AGPS: variants seen among roughly 807,000 people sequenced by gnomAD.
AGPS encodes the protein alkylglycerone phosphate synthase.
A neutral mutation model predicts 90.7 loss-of-function variants in AGPS; 26 were observed. The ratio of observed to expected loss-of-function variants is 0.29; its 90% CI spans 0.21 to 0.40. AGPS has a LOEUF of 0.40. Ranked by LOEUF, AGPS falls within the 10% of genes least tolerant of loss-of-function variation. The pLI, the probability that AGPS is intolerant of heterozygous loss-of-function variation, is 1.00. For missense variants in AGPS, 540 were observed against 816.1 expected (o/e 0.66, Z 4.12); for synonymous variants, 294 against 285.3 (o/e 1.03, Z -0.31).
chr2:177,460,827 G>A (rs1254717137), intron 8 of AGPS, among the ~76,000 whole-genome samples: 1 of 152,142 alleles, frequency 6.6e-6, no homozygotes, highest in Non-Finnish European at 1.5e-5. Flanking sequence ...TGAATATTTA[G>A]TGGAGAAACT....
chr2:177,527,601 G>A (rs2079100276), intron 19 of AGPS, among the ~76,000 whole-genome samples: 1 of 151,916 alleles, frequency 6.6e-6, no homozygotes, highest in Non-Finnish European at 1.5e-5. Context: ...TATACTTCCT[G>A]ATAGTAGGTT....
intron 1 of AGPS, among the ~76,000 whole-genome samples, chr2:177,397,445 C>T (rs1217276226): frequency 1.3e-5 from 2 of 149,962 alleles, no homozygotes; most frequent in Non-Finnish European, 3.0e-5. Flanking sequence ...GACACTTTTA[C>T]GTCTTGGTTT....
At chr2:177,449,194 T>C (rs1686863788) in intron 8 of AGPS, among the ~76,000 whole-genome samples, 1 of 152,204 alleles carries the variant, frequency 6.6e-6, no homozygotes, top group African/African-American at 2.4e-5. Context: ...TTTGTTTCCT[T>C]TCGGTAAGTA....
chr2:177,421,829 C>G (rs1685949244), intron 2 of AGPS, among the ~76,000 whole-genome samples: 1 of 152,148 alleles, frequency 6.6e-6, no homozygotes, highest in African/African-American at 2.4e-5. Context: ...CCGAATTTCT[C>G]TCTTCTCGGA....
chr2:177,427,101 C>G (rs1686105207), intron 2 of AGPS, among the ~76,000 whole-genome samples: 1 of 152,104 alleles, frequency 6.6e-6, no homozygotes, highest in African/African-American at 2.4e-5. Context: ...GTGTATATGT[C>G]CAGGAACTTA....
At chr2:177,478,507 CT>C (rs1187105216) in intron 10 of AGPS, among the ~76,000 whole-genome samples, 1 of 151,996 alleles carries the variant, frequency 6.6e-6, no homozygotes, top group African/African-American at 2.4e-5. Flanking sequence ...TAATGGTTTC[CT>C]GCATTTCTCT....
chr2:177,511,040 A>G (rs1024641644), intron 16 of AGPS, among the ~76,000 whole-genome samples: 1 of 152,136 alleles, frequency 6.6e-6, no homozygotes, highest in African/African-American at 2.4e-5. Context: ...GCTTGGGAAT[A>G]ATTTGAGAGT....
At chr2:177,408,290 A>T (rs1405116567) in intron 1 of AGPS, among the ~76,000 whole-genome samples, 1 of 152,084 alleles carries the variant, frequency 6.6e-6, no homozygotes, top group Non-Finnish European at 1.5e-5. Context: ...GCTTGCTTCT[A>T]TGTGTGATAT....
intron 8 of AGPS, among the ~76,000 whole-genome samples, chr2:177,453,141 T>C (rs755887574): frequency 6.6e-6 from 1 of 152,128 alleles, no homozygotes; most frequent in Non-Finnish European, 1.5e-5. Context: ...TAATTGTAGA[T>C]TGATATTCTT....
At position 177,392,872 on chromosome 2, in the gene AGPS, A is replaced by T. The variant is rs764286061; in HGVS notation, c.83A>T (p.Asp28Val). 3.0e-5 allele frequency: 47 copies of T among 1,549,620 alleles called. No individual in the cohort carries two copies. The highest frequency in any genetic ancestry group is 3.6e-4 in the Middle Eastern group (2 of 5,586). Residue 28 changes from aspartate (D) to valine (V), a missense_variant, in exon 1 of 20, where the codon GAC (aspartate) becomes GTC (valine). By Grantham distance (152) the Asp-to-Val change is radical (BLOSUM62 -3). Transcript: ENST00000264167. ...SYGSAADRDR[D>V]PDPDRAGRRL... ...GGGTCTGCAGCGGACCGGGACCGGG[A>T]CCCGGACCCGGACCGCGCCGGGCGG...
At chr2:177,527,136 A>T (rs2105737928) in intron 19 of AGPS, among the ~76,000 whole-genome samples, 1 of 152,204 alleles carries the variant, frequency 6.6e-6, no homozygotes, top group East Asian at 1.9e-4. Flanking sequence ...TTTTTTTTTA[A>T]ATGTATATGG....
In AGPS at chr2:177,521,449, G is replaced by A; in HGVS notation, c.1797+81G>A. On this transcript the variant is annotated intron_variant, in intron 18 of 19. Transcript: ENST00000264167. ...TTTACTGTCAATTTATGAATTTTAA[G>A]TTGAGTCTCTTTAATCACACATGGT... 4.2e-6 allele frequency: 5 copies of A among 1,181,380 alleles called. No homozygotes were observed. In the East Asian group the frequency reaches 1.2e-4, roughly 28 times the overall value. The allele number at this position is 1,181,380 out of a possible 1,614,324, so 73.2% of individuals were successfully genotyped here. A position where few individuals can be genotyped will look rare whatever the true frequency, so the allele number is the denominator to read the frequency against.
At chr2:177,462,406 GA>G (rs1268952775) in intron 9 of AGPS, among the ~76,000 whole-genome samples, 1 of 138,726 alleles carries the variant, frequency 7.2e-6, no homozygotes, top group East Asian at 2.1e-4. Context: ...AAAAAAAAAA[GA>G]AAAAAGAAAA....
chr2:177,446,192 C>T (rs533337967), intron 8 of AGPS, among the ~76,000 whole-genome samples: 3 of 151,686 alleles, frequency 2.0e-5, no homozygotes, highest in Admixed American at 6.6e-5. Flanking sequence ...CTCACTCTGT[C>T]GCCCAGGCTG....
intron 1 of AGPS, among the ~76,000 whole-genome samples, chr2:177,406,440 G>C (rs1366902460): frequency 3.3e-5 from 5 of 152,218 alleles, no homozygotes; most frequent in East Asian, 1.9e-4. Flanking sequence ...ATAGGAAAAG[G>C]CTTTATAGAA....
intron 16 of AGPS, 45 bp downstream of exon 16, chr2:177,508,076 G>T: frequency 7.2e-7 from 1 of 1,393,768 alleles, no homozygotes; most frequent in South Asian, 1.2e-5. Flanking sequence ...TATGCGATAT[G>T]AATTGCTTGA....
chr2:177,474,546 T>C (rs770557982), intron 10 of AGPS, among the ~76,000 whole-genome samples: 7 of 152,220 alleles, frequency 4.6e-5, no homozygotes, highest in Non-Finnish European at 7.3e-5. Flanking sequence ...GCTGTGGGCA[T>C]GCCCAGACAA....
intron 9 of AGPS, 149 bp downstream of exon 9, chr2:177,462,167 G>C: frequency 1.9e-6 from 1 of 528,128 alleles, no homozygotes. Context: ...GAGGCGGGCG[G>C]ATCATGAGGT....
intron 19 of AGPS, among the ~76,000 whole-genome samples, chr2:177,528,352 TTATCATGACCTTCAAGGA>T (rs2079108038): frequency 6.6e-6 from 1 of 152,230 alleles, no homozygotes; most frequent in Non-Finnish European, 1.5e-5. Context: ...TGAAAACTCC[TTATCATGACCTTCAAGGA>T]TACATTGTAT....
Sources: gnomAD v4.1 joint callset for allele counts (sites outside exome capture counted in the v4.1 genomes callset) on GRCh38, gnomAD v4.1.1 for gene constraint, MANE v1.5 for transcripts, NCBI Gene and HGNC (gene_info 2026-07-23, HGNC 2026-07-21) for gene names.